FBXW11: variants seen among roughly 807,000 people sequenced by gnomAD.
The protein encoded by FBXW11 is F-box and WD repeat domain containing 11, also known as F-box/WD repeat-containing protein 11.
FBXW11 carries 19 observed loss-of-function variants against 77.6 expected under a neutral mutation model. The observed-to-expected ratio is 0.24, with a 90% CI of 0.17 to 0.36. FBXW11 has a LOEUF of 0.36. Among genes scored for constraint, FBXW11 ranks in the 10% least tolerant of loss-of-function variants. The pLI, the probability that FBXW11 is intolerant of heterozygous loss-of-function variation, is 1.00. For synonymous variants in FBXW11, 235 were observed against 249.4 expected (o/e 0.94, Z 0.54); for missense variants, 334 against 704.2 (o/e 0.47, Z 5.95).
Position 172,006,623 on chromosome 5 carries a change from C to A in FBXW11, c.-121G>T, listed in dbSNP as rs1490629703. The A allele has an allele frequency of 2.3e-6, 3 of 1,299,040 alleles. No individual in the cohort carries two copies. The highest frequency in any genetic ancestry group is 3.2e-5 in the East Asian group (1 of 31,528). The allele number at this position is 1,299,040 out of a possible 1,614,324, so 80.5% of individuals were successfully genotyped here. ...ATCGCACCCACTCTAGCTGCCAGCC[C>A]GCCCGGGCCGCCGGCAGCTCCGCCC... is the stretch of plus-strand genomic sequence containing the variant. On this transcript the variant is annotated 5_prime_UTR_variant, in exon 1 of 14. Coordinates refer to ENST00000517395, the MANE Select transcript of FBXW11 (RefSeq NM_001378974.1).
chr5:171,877,164 G>A (rs2113780575), intron 8 of FBXW11, among the ~76,000 whole-genome samples: 2 of 152,256 alleles, frequency 1.3e-5, no homozygotes, highest in South Asian at 4.1e-4. Flanking sequence ...CCTGAGTTTA[G>A]GTATATTTAG....
At chr5:171,920,181 AAAG>A (rs759211789) in intron 2 of FBXW11, among the ~76,000 whole-genome samples, 8 of 151,998 alleles carry the variant, frequency 5.3e-5, no homozygotes, top group Non-Finnish European at 7.4e-5. Context: ...AAAAAAAAGA[AAAG>A]AAGAGAAAAC....
At chr5:171,920,060 G>C (rs1761497398) in intron 2 of FBXW11, among the ~76,000 whole-genome samples, 1 of 152,172 alleles carries the variant, frequency 6.6e-6, no homozygotes, top group African/African-American at 2.4e-5. Flanking sequence ...CTACTTGGGA[G>C]GCTGAGGCAG....
At chr5:171,974,119 C>T (rs1005240133) in intron 1 of FBXW11, among the ~76,000 whole-genome samples, 1 of 152,068 alleles carries the variant, frequency 6.6e-6, no homozygotes, top group African/African-American at 2.4e-5. Context: ...TTCATAGCTA[C>T]ATGTTTAATT....
chr5:171,869,789 G>A lies in FBXW11; in HGVS notation c.1470C>T (p.Asp490=), dbSNP rs1561630557. 1.2e-6 allele frequency: 2 copies of A among 1,609,654 alleles called. No individual in the cohort carries two copies. The highest frequency in any genetic ancestry group is 1.7e-6 in the Non-Finnish European group (2 of 1,177,580). ...GAYDGKIKVW[D]LQAALDPRAP... Reference sequence around the variant, plus strand: ...CTCGAGGGTCAAGAGCAGCTTGCAAGTCCCAAACTTTAATTTTCCTAGAAA... The same window carrying A: ...CTCGAGGGTCAAGAGCAGCTTGCAAATCCCAAACTTTAATTTTCCTAGAAA... The change falls in exon 12 of 14, where the codon GAC becomes GAT. Residue 490 remains aspartate, a synonymous_variant. Transcript: ENST00000517395. The surrounding 1 kb of genome is among the most constrained non-coding windows in gnomAD (Gnocchi z 4.1).
At chr5:171,985,527 G>C (rs751185794) in intron 1 of FBXW11, among the ~76,000 whole-genome samples, 1 of 151,998 alleles carries the variant, frequency 6.6e-6, no homozygotes, top group Non-Finnish European at 1.5e-5. Context: ...AGGAGGTTGA[G>C]AGATAAGGAT....
intron 1 of FBXW11, chr5:171,997,046 C>T (rs1159601017): frequency 3.1e-6 from 4 of 1,289,800 alleles, no homozygotes; most frequent in Admixed American, 2.3e-5. Flanking sequence ...ACATGCACTT[C>T]GGTAACTGTT....
chr5:171,909,722 C>T (rs1278436663), intron 4 of FBXW11, among the ~76,000 whole-genome samples: 2 of 151,988 alleles, frequency 1.3e-5, no homozygotes, highest in Non-Finnish European at 2.9e-5. Flanking sequence ...TGCGCGCGTG[C>T]ATGTACACAC....
chr5:171,963,640 G>T (rs1764028027), intron 1 of FBXW11, among the ~76,000 whole-genome samples: 1 of 152,184 alleles, frequency 6.6e-6, no homozygotes, highest in Non-Finnish European at 1.5e-5. Flanking sequence ...ATATCTGTCA[G>T]AGAGGAATAG....
intron 1 of FBXW11, among the ~76,000 whole-genome samples, chr5:171,996,551 T>C (rs1766062740): frequency 6.6e-6 from 1 of 152,158 alleles, no homozygotes; most frequent in Non-Finnish European, 1.5e-5. Context: ...TGGTCCCAGC[T>C]ACCTGAGAGG....
intron 7 of FBXW11, among the ~76,000 whole-genome samples, chr5:171,889,336 G>A (rs979742115): frequency 1.7e-4 from 25 of 151,456 alleles, no homozygotes; most frequent in African/African-American, 4.9e-4. Context: ...AAGACCAGCC[G>A]GGTCAACATG....
At chr5:171,910,877 CCT>C in intron 3 of FBXW11, 80 bp from the exon 4 acceptor site, 2 of 1,036,906 alleles carry the variant, frequency 1.9e-6, no homozygotes, top group Admixed American at 2.9e-5. Context: ...TATTTTTCAC[CCT>C]GTGTATTTAA....
rs1488711716 is a variant in FBXW11 at position 171,893,437 on chromosome 5, A to AAAAAAAAAC, written c.715-1834_715-1833insGTTTTTTTT. On this transcript the variant is annotated intron_variant, in intron 6 of 13. Transcript: ENST00000517395. ...CTTCAAAACCAAAAAAAAAAAAAAA[A>AAAAAAAAAC]AAAAAAAAAACTAACCCAACCATCT... Among the ~76,000 whole-genome samples the AAAAAAAAAC allele has an allele frequency of 5.1e-3, 753 of 146,986 alleles. 34 individuals carry two copies. The highest frequency in any genetic ancestry group is 8.9e-3 in the Non-Finnish European group (589 of 66,020).
Position 171,892,973 on chromosome 5 carries a change from C to T in FBXW11, c.715-1369G>A, listed in dbSNP as rs2113850252. On this transcript the variant is annotated intron_variant, in intron 6 of 13. Coordinates refer to ENST00000517395, the MANE Select transcript of FBXW11 (RefSeq NM_001378974.1). The stretch of plus-strand genomic sequence containing the variant: ...ATTTTGAAGATAGTATCCTTCTGTG[C>T]ACTCTAAAATGTTACAATTTACTGA... 2.0e-5 allele frequency among the ~76,000 whole-genome samples: 3 copies of T among 152,302 alleles called. No homozygotes were observed. In the South Asian group the frequency reaches 6.2e-4, roughly 32 times the overall value.
chr5:171,916,854 G>A lies in FBXW11; in HGVS notation c.148-2449C>T, dbSNP rs555856801. On this transcript the variant is annotated intron_variant, in intron 2 of 13. Transcript: ENST00000517395. Reference sequence around the variant, plus strand: ...TCCCCACCCCATGTCTCCAGGTACTGCAGAGGAAACATATGAGGGATGTAT... The same window carrying A: ...TCCCCACCCCATGTCTCCAGGTACTACAGAGGAAACATATGAGGGATGTAT... Among the ~76,000 whole-genome samples the A allele has an allele frequency of 1.4e-4, 22 of 152,298 alleles. No homozygotes were observed. In the South Asian group the frequency reaches 3.5e-3, roughly 24 times the overall value.
intron 2 of FBXW11, among the ~76,000 whole-genome samples, chr5:171,916,848 G>C (rs943858868): frequency 6.6e-6 from 1 of 152,154 alleles, no homozygotes; most frequent in African/African-American, 2.4e-5. Flanking sequence ...CATGTCTCCA[G>C]GTACTGCAGA....
chr5:171,951,082 TAA>T (rs1417859602), intron 2 of FBXW11, among the ~76,000 whole-genome samples: 3 of 151,812 alleles, frequency 2.0e-5, no homozygotes, highest in Admixed American at 6.6e-5. Flanking sequence ...ATAATTTAAT[TAA>T]GTCATAATAA....
intron 3 of FBXW11, among the ~76,000 whole-genome samples, chr5:171,914,034 G>A (rs1238567861): frequency 6.6e-6 from 1 of 152,172 alleles, no homozygotes; most frequent in East Asian, 1.9e-4. Context: ...CTGGTGTGTG[G>A]CATGGTGCCA....
At chr5:171,943,126 G>C (rs1762831019) in intron 2 of FBXW11, among the ~76,000 whole-genome samples, 2 of 152,186 alleles carry the variant, frequency 1.3e-5, no homozygotes, top group Non-Finnish European at 2.9e-5. Context: ...ATGCCAATAA[G>C]TGACTGTTGG....
Sources: allele counts gnomAD v4.1 joint callset (sites outside exome capture counted in the v4.1 genomes callset), GRCh38; gene constraint gnomAD v4.1.1; non-coding constraint Gnocchi (gnomAD v3.1); transcripts MANE v1.5; gene names NCBI Gene and HGNC (gene_info 2026-07-23, HGNC 2026-07-21).